BCAR3: variants seen among roughly 807,000 people sequenced by gnomAD.
The protein encoded by BCAR3 is breast cancer anti-estrogen resistance protein 3.
In BCAR3, 37 loss-of-function variants were observed where a neutral mutation model predicts 80.1. The ratio of observed to expected loss-of-function variants is 0.46; its 90% CI spans 0.36 to 0.61. The LOEUF (loss-of-function observed/expected upper bound fraction) is 0.61. Ranked by LOEUF, BCAR3 falls within the 20% of genes least tolerant of loss-of-function variation. The pLI, the probability that BCAR3 is intolerant of heterozygous loss-of-function variation, is 0.00. For synonymous variants in BCAR3, 389 were observed against 418.9 expected (o/e 0.93, Z 0.87); for missense variants, 978 against 1,068.2 (o/e 0.92, Z 1.18).
At chr1:93,801,820 C>CA (rs1372307207) in intron 2 of BCAR3, among the ~76,000 whole-genome samples, 18 of 152,186 alleles carry the variant, frequency 1.2e-4, no homozygotes, top group Middle Eastern at 3.4e-3. Flanking sequence ...CTTATCTCCA[C>CA]AAAAAATGTT....
intron 2 of BCAR3, among the ~76,000 whole-genome samples, chr1:93,784,463 C>T (rs1037594305): frequency 4.6e-5 from 7 of 152,130 alleles, no homozygotes; most frequent in Admixed American, 1.3e-4. Flanking sequence ...TTTCCTACTC[C>T]TAAGTGCCAG....
At chr1:93,604,990 T>C (rs1268271752) in intron 3 of BCAR3, among the ~76,000 whole-genome samples, 3 of 152,158 alleles carry the variant, frequency 2.0e-5, no homozygotes, top group African/African-American at 7.2e-5. Context: ...CACTCAAAGC[T>C]CAGCTCCAAG....
intron 2 of BCAR3, among the ~76,000 whole-genome samples, chr1:93,793,338 T>C (rs1653180807): frequency 1.8e-5 from 1 of 57,138 alleles, no homozygotes; most frequent in African/African-American, 1.3e-4. Context: ...CAGAGCCGGT[T>C]ATTGGTCTAT....
chr1:93,677,303 A>G (rs1648532789), intron 1 of BCAR3, among the ~76,000 whole-genome samples: 1 of 152,244 alleles, frequency 6.6e-6, no homozygotes, highest in Admixed American at 6.5e-5. Flanking sequence ...GTGACCCCAC[A>G]GGCTCAGGAC....
At chr1:93,726,955 C>A (rs564235347) in intron 2 of BCAR3, among the ~76,000 whole-genome samples, 1 of 152,254 alleles carries the variant, frequency 6.6e-6, no homozygotes. Context: ...TGTGAAATGC[C>A]TGTTTTATGA....
At chr1:93,818,472 G>A (rs1394272107) in intron 2 of BCAR3, among the ~76,000 whole-genome samples, 3 of 152,146 alleles carry the variant, frequency 2.0e-5, no homozygotes, top group Non-Finnish European at 4.4e-5. Flanking sequence ...GCCTACTGTC[G>A]TGGTTGTGGG....
intron 3 of BCAR3, among the ~76,000 whole-genome samples, chr1:93,639,323 C>A (rs1426113908): frequency 6.6e-6 from 1 of 152,126 alleles, no homozygotes; most frequent in East Asian, 1.9e-4. Flanking sequence ...CTGCAGTCCC[C>A]TCGCCCCACG....
chr1:93,787,928 T>C (rs1020938644), intron 2 of BCAR3, among the ~76,000 whole-genome samples: 2 of 152,234 alleles, frequency 1.3e-5, no homozygotes, highest in African/African-American at 4.8e-5. Flanking sequence ...TCCCTCACTA[T>C]TATTGTGTTG....
intron 2 of BCAR3, among the ~76,000 whole-genome samples, chr1:93,732,790 G>A (rs1571081624): frequency 6.6e-6 from 1 of 152,168 alleles, no homozygotes; most frequent in African/African-American, 2.4e-5. Context: ...CCTCAGGAAA[G>A]TAAAGAGATC....
intron 2 of BCAR3, among the ~76,000 whole-genome samples, chr1:93,653,444 T>C (rs1647212886): frequency 6.6e-6 from 1 of 152,122 alleles, no homozygotes; most frequent in Non-Finnish European, 1.5e-5. Flanking sequence ...TATATTTTTT[T>C]ATATATGCTC....
chr1:93,637,796 C>T (rs914801294), intron 3 of BCAR3, among the ~76,000 whole-genome samples: 2 of 152,162 alleles, frequency 1.3e-5, no homozygotes, highest in Non-Finnish European at 2.9e-5. Context: ...GAACTCCTTA[C>T]CACTGGCTAC....
At chr1:93,699,188 T>C (rs1372991847) in intron 3 of BCAR3, among the ~76,000 whole-genome samples, 1 of 152,214 alleles carries the variant, frequency 6.6e-6, no homozygotes, top group Non-Finnish European at 1.5e-5. Context: ...GCCAGTAAAC[T>C]GTAGAGATCC....
Position 93,720,972 on chromosome 1 carries a change from G to A in BCAR3, c.-62-14830C>T, listed in dbSNP as rs891165741. ...AGGGTTGGGAGTGCATCAGGGTGTC[G>A]GGCAGCAGGGCTAGCCTGAGCCAGC... is the stretch of plus-strand genomic sequence containing the variant. On this transcript the variant is annotated intron_variant, in intron 2 of 13. Coordinates refer to the BCAR3 transcript ENST00000370244. 2.6e-5 allele frequency among the ~76,000 whole-genome samples: 4 copies of A among 152,282 alleles called. No individual in the cohort carries two copies. The Middle Eastern group carries it at 0.01, about 388-fold the overall frequency.
At chr1:93,759,497 G>A (rs964855240) in intron 2 of BCAR3, among the ~76,000 whole-genome samples, 1 of 152,172 alleles carries the variant, frequency 6.6e-6, no homozygotes, top group Admixed American at 6.5e-5. Flanking sequence ...AGGGGAAGGA[G>A]TGTGTGGAGC....
chr1:93,649,290 C>A (rs1196486605), intron 2 of BCAR3, among the ~76,000 whole-genome samples: 1 of 152,150 alleles, frequency 6.6e-6, no homozygotes, highest in South Asian at 2.1e-4. Flanking sequence ...ACAAGCAAGG[C>A]TATGGGGACA....
chr1:93,836,777 T>A (rs376523086), intron 2 of BCAR3, among the ~76,000 whole-genome samples: 9 of 152,110 alleles, frequency 5.9e-5, no homozygotes, highest in African/African-American at 2.2e-4. Flanking sequence ...TCCTGCCTTA[T>A]CTGATGACAT....
chr1:93,576,146 T>G lies in BCAR3; in HGVS notation c.1687-17A>C. 4 of 1,597,232 alleles carry G rather than the reference T, an allele frequency of 2.5e-6. No homozygotes were observed. In the East Asian group the frequency reaches 8.9e-5, roughly 36 times the overall value. On this transcript the variant is annotated splice_polypyrimidine_tract_variant and intron_variant, in intron 7 of 11. Coordinates refer to ENST00000260502, the MANE Select transcript of BCAR3 (RefSeq NM_003567.4). The stretch of plus-strand genomic sequence containing the variant: ...CCTAGCAACCTGTCAAGAGCCAAAG[T>G]TGAAATACACTGGATCAGGAAGTGG...
At chr1:93,620,998 A>G (rs368623256) in intron 3 of BCAR3, among the ~76,000 whole-genome samples, 6 of 152,324 alleles carry the variant, frequency 3.9e-5, no homozygotes, top group East Asian at 3.9e-4. Context: ...AAGGCTGCCA[A>G]GTGGCTGAGT....
At position 93,584,124 on chromosome 1, in the gene BCAR3, G is replaced by A. The variant is rs1673843971; in HGVS notation, c.930-3C>T. ...GGCTACCACTCTTTTCTTTGTTTCT[G>A]AAGTAAAAGACACATAGGATGGAAA... On this transcript the variant is annotated splice_polypyrimidine_tract_variant and splice_region_variant and intron_variant, in intron 5 of 11. Transcript: ENST00000260502. The A allele has an allele frequency of 1.9e-6, 3 of 1,613,288 alleles. No individual in the cohort carries two copies. The highest frequency in any genetic ancestry group is 4.5e-5 in the East Asian group (2 of 44,874).
Sources: gnomAD v4.1 joint callset for allele counts (sites outside exome capture counted in the v4.1 genomes callset) on GRCh38, gnomAD v4.1.1 for gene constraint, MANE v1.5 for transcripts, NCBI Gene and HGNC (gene_info 2026-07-23, HGNC 2026-07-21) for gene names.